ZDHHC14: variants seen among roughly 807,000 people sequenced by gnomAD.
ZDHHC14 encodes the protein palmitoyltransferase ZDHHC14.
A neutral mutation model predicts 47.7 loss-of-function variants in ZDHHC14; 16 were observed. The ratio of observed to expected loss-of-function variants is 0.34; its 90% CI spans 0.23 to 0.51. The LOEUF is 0.51. Ranked by LOEUF, ZDHHC14 falls within the 20% of genes least tolerant of loss-of-function variation. The pLI is 0.97. For missense variants in ZDHHC14, 515 were observed against 662.5 expected (o/e 0.78, Z 2.44); for synonymous variants, 293 against 278.9 (o/e 1.05, Z -0.50).
At chr6:157,523,995 A>G (rs1178689314) in intron 1 of ZDHHC14, among the ~76,000 whole-genome samples, 1 of 152,210 alleles carries the variant, frequency 6.6e-6, no homozygotes, top group African/African-American at 2.4e-5. Context: ...CAAAAATTAG[A>G]TGGTTGGTGG....
chr6:157,381,421 C>G lies in ZDHHC14; in HGVS notation c.-601C>G, dbSNP rs936210230. 7.6e-5 allele frequency: 19 copies of G among 249,186 alleles called. No individual in the cohort carries two copies. Among genetic ancestry groups the G allele is most frequent in the African/African-American group, 4.0e-4 (17 of 42,612 alleles). The allele number at this position is 249,186 out of a possible 1,614,324, so 15.4% of individuals were successfully genotyped here. On this transcript the variant is annotated 5_prime_UTR_variant, in exon 1 of 9. Coordinates refer to ENST00000359775, the MANE Select transcript of ZDHHC14 (RefSeq NM_024630.3). ...CCGGCTCTCGCCGAGAGGCTCCTGA[C>G]AGAAAAACGTGCGTGGTTGTCCCCA...
At chr6:157,590,379 G>A (rs140263749) in intron 2 of ZDHHC14, among the ~76,000 whole-genome samples, 2 of 152,252 alleles carry the variant, frequency 1.3e-5, no homozygotes, top group African/African-American at 4.8e-5. Flanking sequence ...CAGGTCCAGG[G>A]CCCCCTGCTG....
intron 8 of ZDHHC14, among the ~76,000 whole-genome samples, chr6:157,659,084 T>A (rs541659484): frequency 1.3e-5 from 2 of 152,348 alleles, no homozygotes; most frequent in East Asian, 3.9e-4. Context: ...GTTATCTAAT[T>A]TGTTACCGTT....
Position 157,516,515 on chromosome 6 carries a change from G to A in ZDHHC14, c.246-26070G>A, listed in dbSNP as rs150294307. Among the ~76,000 whole-genome samples, 1,383 of 152,282 alleles carry A rather than the reference G, an allele frequency of 9.1e-3. 10 individuals are homozygous for A. The highest frequency in any genetic ancestry group is 0.034 in the Middle Eastern group (10 of 292). On this transcript the variant is annotated intron_variant, in intron 1 of 8. Coordinates refer to ENST00000359775, the MANE Select transcript of ZDHHC14 (RefSeq NM_024630.3). Reference sequence around the variant, plus strand: ...TTTCCCTGTCAGAGTGTAAATCTATGAAAGTGTCTCCTGCACGTAGTTGAG... The same window carrying A: ...TTTCCCTGTCAGAGTGTAAATCTATAAAAGTGTCTCCTGCACGTAGTTGAG...
At chr6:157,627,359 A>C (rs907954512) in intron 3 of ZDHHC14, among the ~76,000 whole-genome samples, 9 of 152,166 alleles carry the variant, frequency 5.9e-5, no homozygotes, top group Non-Finnish European at 8.8e-5. Flanking sequence ...CGGAGGAGAA[A>C]GCTAAGTCAT....
intron 1 of ZDHHC14, among the ~76,000 whole-genome samples, chr6:157,386,562 CCAGATGCAATCCTGTACTCTTTCT>C (rs1777315834): frequency 6.6e-6 from 1 of 152,132 alleles, no homozygotes; most frequent in South Asian, 2.1e-4. Context: ...CTAGAAGCAA[CCAGATGCAATCCTGTACTCTTTCT>C]CAAGCAAGGA....
intron 5 of ZDHHC14, among the ~76,000 whole-genome samples, chr6:157,635,024 C>T (rs946890923): frequency 6.6e-6 from 1 of 151,792 alleles, no homozygotes; most frequent in African/African-American, 2.4e-5. Flanking sequence ...AACGGAGTCT[C>T]ACTCTGTCGC....
Position 157,524,314 on chromosome 6 carries a change from A to G in ZDHHC14, c.246-18271A>G, listed in dbSNP as rs185292245. 7.7e-4 allele frequency among the ~76,000 whole-genome samples: 117 copies of G among 151,752 alleles called. 1 individual carries two copies. The highest frequency in any genetic ancestry group is 2.9e-5 in the Non-Finnish European group (2 of 67,864). ...ACACCTGGCTAATTTTTGTATTTTT[A>G]GTAGAGATGGGGTTTCACCATGTTA... On this transcript the variant is annotated intron_variant, in intron 1 of 8. Coordinates refer to ENST00000359775, the MANE Select transcript of ZDHHC14 (RefSeq NM_024630.3).
intron 1 of ZDHHC14, among the ~76,000 whole-genome samples, chr6:157,419,528 T>C (rs1025541416): frequency 6.6e-6 from 1 of 152,222 alleles, no homozygotes; most frequent in Non-Finnish European, 1.5e-5. Flanking sequence ...AGTTTTGTCT[T>C]TTCCCGACTG....
chr6:157,571,776 A>ATTTTTTTT (rs548623336), intron 2 of ZDHHC14, among the ~76,000 whole-genome samples: 2 of 122,480 alleles, frequency 1.6e-5, no homozygotes, highest in African/African-American at 3.1e-5. Flanking sequence ...AGGAATCTGT[A>ATTTTTTTT]TTTTTTTTTT....
intron 1 of ZDHHC14, among the ~76,000 whole-genome samples, chr6:157,507,327 A>G (rs964432074): frequency 4.7e-5 from 7 of 148,158 alleles, no homozygotes; most frequent in Non-Finnish European, 8.9e-5. Context: ...TCTGTCACCC[A>G]GGCTGGAGTG....
chr6:157,449,909 C>T (rs1778765305), intron 1 of ZDHHC14, among the ~76,000 whole-genome samples: 1 of 152,112 alleles, frequency 6.6e-6, no homozygotes, highest in Non-Finnish European at 1.5e-5. Context: ...CCCTTTCTAA[C>T]CATGTGAACT....
intron 1 of ZDHHC14, among the ~76,000 whole-genome samples, chr6:157,487,819 C>T (rs1779819998): frequency 6.6e-6 from 1 of 152,176 alleles, no homozygotes; most frequent in South Asian, 2.1e-4. Context: ...GACTGGCAGC[C>T]AAGGTGTTGT....
chr6:157,510,699 G>C (rs1780443758), intron 1 of ZDHHC14, among the ~76,000 whole-genome samples: 1 of 152,224 alleles, frequency 6.6e-6, no homozygotes, highest in Non-Finnish European at 1.5e-5. Context: ...CAGAGCTCTG[G>C]TGGGCAGAGA....
At chr6:157,405,531 C>T (rs369154972) in intron 1 of ZDHHC14, among the ~76,000 whole-genome samples, 3 of 152,010 alleles carry the variant, frequency 2.0e-5, no homozygotes, top group Non-Finnish European at 2.9e-5. Flanking sequence ...CGTGCCTGGC[C>T]GAGCTCAAAA....
intron 1 of ZDHHC14, among the ~76,000 whole-genome samples, chr6:157,455,683 G>A (rs894157656): frequency 2.0e-5 from 3 of 152,186 alleles, no homozygotes; most frequent in African/African-American, 7.2e-5. Context: ...GGCAGGAACC[G>A]GGCCATTTCG....
chr6:157,541,729 T>C (rs1781772964), intron 1 of ZDHHC14, among the ~76,000 whole-genome samples: 1 of 152,246 alleles, frequency 6.6e-6, no homozygotes, highest in African/African-American at 2.4e-5. Context: ...CGGTAAGAAC[T>C]GCTCCAGCTC....
chr6:157,555,190 T>G (rs186788986), intron 2 of ZDHHC14, among the ~76,000 whole-genome samples: 53 of 152,370 alleles, frequency 3.5e-4, no homozygotes, highest in Admixed American at 1.3e-4. Context: ...GGCATGTTTC[T>G]CTTAGAGGCA....
At position 157,410,266 on chromosome 6, in the gene ZDHHC14, C is replaced by G. The variant is rs771776754; in HGVS notation, c.245+28000C>G. Among the ~76,000 whole-genome samples, 5 of 152,040 alleles carry G rather than the reference C, an allele frequency of 3.3e-5. 1 individual carries two copies. The highest frequency in any genetic ancestry group is 7.4e-5 in the Non-Finnish European group (5 of 68,018). Reference sequence around the variant, plus strand: ...TCTCTCTGGTCAGCCAAGCTGCAGTCAAAACATGCATTGTACTTATTTTGT... The same window carrying G: ...TCTCTCTGGTCAGCCAAGCTGCAGTGAAAACATGCATTGTACTTATTTTGT... On this transcript the variant is annotated intron_variant, in intron 1 of 8. Transcript: ENST00000359775.
Sources: gnomAD v4.1 joint callset for allele counts (sites outside exome capture counted in the v4.1 genomes callset) on GRCh38, gnomAD v4.1.1 for gene constraint, MANE v1.5 for transcripts, NCBI Gene and HGNC (gene_info 2026-07-23, HGNC 2026-07-21) for gene names.